WDR25: variants seen among roughly 807,000 people sequenced by gnomAD.
WDR25 encodes WD repeat domain 25, also known as WD repeat-containing protein 25.
Under a neutral mutation model 47.7 loss-of-function variants are expected in WDR25, and 35 were observed. The observed-to-expected ratio is 0.73, with a 90% CI of 0.56 to 0.97. WDR25 has a LOEUF of 0.97. Ranked by LOEUF, WDR25 falls within the 50% of genes least tolerant of loss-of-function variation. The probability of loss-of-function intolerance (pLI) is 0.00; values close to 1 mark genes in which losing one functional copy is unlikely to be tolerated. For missense variants in WDR25, 634 were observed against 704.7 expected, an observed-to-expected ratio of 0.90 and a Z score of 1.14; for synonymous variants, 248 against 278.9, an observed-to-expected ratio of 0.89 and a Z score of 1.10.
rs1419116467 is a variant in WDR25, at chr14:100,498,300, G to A, written c.1101+14176G>A. The stretch of plus-strand genomic sequence containing the variant: ...ATGGATGTGCTGAGAGGAGACTGAG[G>A]GCCACGTTCCGTAACAAGCGGGCCA... On this transcript the variant is annotated intron_variant, in intron 4 of 6. Transcript: ENST00000402312. This position sits in a 1 kb window ranked among gnomAD's most constrained non-coding sequence, Gnocchi z 4.2. 1.3e-5 allele frequency among the ~76,000 whole-genome samples: 2 copies of A among 152,148 alleles called. No individual in the cohort carries two copies. The highest frequency in any genetic ancestry group is 6.5e-5 in the Admixed American group (1 of 15,270).
chr14:100,431,702 A>T (rs1303793135), intron 2 of WDR25, among the ~76,000 whole-genome samples: 1 of 144,968 alleles, frequency 6.9e-6, no homozygotes, highest in Non-Finnish European at 1.5e-5. Flanking sequence ...GCCTGCCACC[A>T]TGCCCAACTA....
chr14:100,413,026 C>T (rs1210005681), intron 2 of WDR25, among the ~76,000 whole-genome samples: 1 of 152,112 alleles, frequency 6.6e-6, no homozygotes, highest in Non-Finnish European at 1.5e-5. Context: ...GACGGAGTTT[C>T]ACCATTTTGG....
chr14:100,412,604 A>G (rs1566897378), intron 2 of WDR25, among the ~76,000 whole-genome samples: 1 of 152,154 alleles, frequency 6.6e-6, no homozygotes, highest in African/African-American at 2.4e-5. Context: ...CTCTACATGT[A>G]TATGTGTTTA....
intron 4 of WDR25, among the ~76,000 whole-genome samples, chr14:100,513,926 A>G (rs1901397551): frequency 6.7e-6 from 1 of 149,988 alleles, no homozygotes; most frequent in African/African-American, 2.5e-5. Context: ...TTAGCATGGC[A>G]TATCTTTTTT....
chr14:100,501,033 T>C (rs1324548358), intron 4 of WDR25, among the ~76,000 whole-genome samples: 3 of 152,222 alleles, frequency 2.0e-5, no homozygotes, highest in East Asian at 1.9e-4. Context: ...CAAACACTAA[T>C]TGAGCAGCTA....
chr14:100,414,244 C>T (rs530039502), intron 2 of WDR25, among the ~76,000 whole-genome samples: 2 of 151,970 alleles, frequency 1.3e-5, no homozygotes, highest in South Asian at 2.1e-4. Flanking sequence ...GATCCGCCTG[C>T]CTTGGCCTCC....
rs1900831699 is a variant in WDR25, at chr14:100,499,150, C to T, written c.1101+15026C>T. ...AATATAAAGAAGATAACCCATTAAA[C>T]TTCAACCCAGCCATAACCACCACTG... is the stretch of plus-strand genomic sequence containing the variant. On this transcript the variant is annotated intron_variant, in intron 4 of 6. Coordinates refer to ENST00000402312, the MANE Select transcript of WDR25 (RefSeq NM_001161476.3). The surrounding 1 kb of genome is among the most constrained non-coding windows in gnomAD (Gnocchi z 4.4). 6.6e-6 allele frequency among the ~76,000 whole-genome samples: 1 copy of T among 152,218 alleles called. No individual in the cohort carries two copies. Among genetic ancestry groups the T allele is most frequent in the Admixed American group, 6.5e-5 (1 of 15,280 alleles).
At chr14:100,483,914 C>A in intron 3 of WDR25, 80 bp from the exon 4 acceptor site, 1 of 1,507,164 alleles carries the variant, frequency 6.6e-7, no homozygotes, top group Non-Finnish European at 8.9e-7. Context: ...GAGCCCCATA[C>A]CAGATGGCAT....
In WDR25 at chr14:100,491,996, C is replaced by T. The variant is rs111326259; in HGVS notation, c.1101+7872C>T. ...GGATTGGATCTGAACCCAGGTCTTCCTCTAATTTCTGCTTCTCCCTATTGC... is the reference window on the plus strand; with the variant it reads ...GGATTGGATCTGAACCCAGGTCTTCTTCTAATTTCTGCTTCTCCCTATTGC... On this transcript the variant is annotated intron_variant, in intron 4 of 6. Transcript: ENST00000402312. Among the ~76,000 whole-genome samples, 90 of 152,326 alleles carry T rather than the reference C, an allele frequency of 5.9e-4. 2 individuals are homozygous for T. The highest frequency in any genetic ancestry group is 2.0e-3 in the African/African-American group (84 of 41,572).
In WDR25 at chr14:100,525,737, G is replaced by A. The variant is rs1306482185; in HGVS notation, c.1102-133G>A. The A allele has an allele frequency of 1.9e-6, 2 of 1,031,508 alleles. No homozygotes were observed. Among genetic ancestry groups the A allele is most frequent in the African/African-American group, 1.6e-5 (1 of 61,952 alleles). 63.9% of individuals were successfully genotyped at this position (1,031,508 alleles called of 1,614,324 possible). ...ATTCCATATATGGCTTGTGGGTGCTGCTCAGCCTGGGTGTGTGTGGCCCAG... is the reference window on the plus strand; with the variant it reads ...ATTCCATATATGGCTTGTGGGTGCTACTCAGCCTGGGTGTGTGTGGCCCAG... On this transcript the variant is annotated intron_variant, in intron 4 of 6. Transcript: ENST00000402312. The surrounding 1 kb of genome is among the most constrained non-coding windows in gnomAD (Gnocchi z 4.6).
At chr14:100,495,083 G>A (rs976401796) in intron 4 of WDR25, among the ~76,000 whole-genome samples, 4 of 152,228 alleles carry the variant, frequency 2.6e-5, no homozygotes, top group East Asian at 1.9e-4. Flanking sequence ...CTGGCTGGGC[G>A]TGGTGGCTCA....
chr14:100,459,523 C>T (rs1899307321), intron 2 of WDR25, among the ~76,000 whole-genome samples: 1 of 152,088 alleles, frequency 6.6e-6, no homozygotes, highest in Non-Finnish European at 1.5e-5. Context: ...CCCCCAGTGC[C>T]TCAAAAGGTA....
Position 100,519,732 on chromosome 14 carries a change from GTGTATATATAGTA to G in WDR25, c.1102-6136_1102-6124del, listed in dbSNP as rs1268957735. Among the ~76,000 whole-genome samples, 689 of 126,222 alleles carry G rather than the reference GTGTATATATAGTA, an allele frequency of 5.5e-3. 7 individuals carry two copies. The highest frequency in any genetic ancestry group is 0.02 in the African/African-American group (521 of 26,356). The allele number at this position is 126,222 out of a possible 152,430, so 82.8% of individuals were successfully genotyped here. On this transcript the variant is annotated intron_variant, in intron 4 of 6. Coordinates refer to ENST00000402312, the MANE Select transcript of WDR25 (RefSeq NM_001161476.3). ...ATATAGTGTATATATACTATATATA[GTGTATATATAGTA>G]TATATATAGTGTGTATATATAGTAT...
chr14:100,385,251 C>A (rs1057347052), intron 2 of WDR25, among the ~76,000 whole-genome samples: 2 of 152,166 alleles, frequency 1.3e-5, no homozygotes, highest in African/African-American at 4.8e-5. Flanking sequence ...AAAATTAAAA[C>A]AAATTTTTTG....
intron 4 of WDR25, among the ~76,000 whole-genome samples, chr14:100,524,104 C>A (rs902944892): frequency 6.6e-6 from 1 of 152,130 alleles, no homozygotes; most frequent in African/African-American, 2.4e-5. Flanking sequence ...TGGGCCATTT[C>A]CATCCATTCT....
At chr14:100,451,615 G>T (rs1192204469) in intron 2 of WDR25, among the ~76,000 whole-genome samples, 2 of 152,194 alleles carry the variant, frequency 1.3e-5, no homozygotes, top group Non-Finnish European at 2.9e-5. Flanking sequence ...CTGACATTCA[G>T]AGCCTCAGGC....
At chr14:100,381,791 T>A (rs1174548348) in intron 2 of WDR25, 45 bp downstream of exon 2, 2 of 1,463,516 alleles carry the variant, frequency 1.4e-6, no homozygotes, top group Admixed American at 4.2e-5. Context: ...CTCTTAGGAA[T>A]ACACTGCTGG....
rs899780658 is a variant in WDR25 at position 100,424,162 on chromosome 14, G to A, written c.822+42416G>A. On this transcript the variant is annotated intron_variant, in intron 2 of 6. Coordinates refer to ENST00000402312, the MANE Select transcript of WDR25 (RefSeq NM_001161476.3). The surrounding 1 kb of genome is among the most constrained non-coding windows in gnomAD (Gnocchi z 4.2). ...TTAAGGGGAGGAAGGCACCACGGGC[G>A]AGGCCTCCCAGGCTGGCTGGGTGAG... Among the ~76,000 whole-genome samples, 3 of 152,214 alleles carry A rather than the reference G, an allele frequency of 2.0e-5. No homozygotes were observed. Among genetic ancestry groups the A allele is most frequent in the Non-Finnish European group, 2.9e-5 (2 of 68,040 alleles).
intron 3 of WDR25, among the ~76,000 whole-genome samples, chr14:100,469,566 G>A (rs1050670073): frequency 2.0e-5 from 3 of 152,170 alleles, no homozygotes; most frequent in Non-Finnish European, 4.4e-5. Context: ...CCACCGTGCC[G>A]TGTGTGGCAG....
Sources: gnomAD v4.1 joint callset for allele counts (sites outside exome capture counted in the v4.1 genomes callset) on GRCh38, gnomAD v4.1.1 for gene constraint, Gnocchi (gnomAD v3.1) non-coding constraint, MANE v1.5 for transcripts, NCBI Gene and HGNC (gene_info 2026-07-23, HGNC 2026-07-21) for gene names.